Variants in SNX13 observed in about 807,000 individuals in gnomAD.
The protein encoded by SNX13 is sorting nexin-13.
A neutral mutation model predicts 133.6 loss-of-function variants in SNX13; 45 were observed. That is an observed-to-expected ratio of 0.34 (90% CI 0.27 to 0.43). The LOEUF is 0.43. SNX13 is among the 20% of genes least tolerant of loss of function. The pLI is 1.00. For synonymous variants in SNX13, 414 were observed against 373.9 expected (o/e 1.11, Z -1.24); for missense variants, 1,032 against 1,145.1 (o/e 0.90, Z 1.43).
At chr7:17,823,499 C>G (rs1787537637) in intron 17 of SNX13, among the ~76,000 whole-genome samples, 1 of 152,166 alleles carries the variant, frequency 6.6e-6, no homozygotes, top group Admixed American at 6.5e-5. Context: ...TGGACAGAAG[C>G]TCTTCCCAAA....
At chr7:17,805,540 A>C (rs139194351) in intron 20 of SNX13, among the ~76,000 whole-genome samples, 499 of 152,342 alleles carry the variant, frequency 3.3e-3, no homozygotes, top group African/African-American at 0.011. Flanking sequence ...ATAGCATTTC[A>C]GAAGCATAAA....
At chr7:17,927,744 T>C (rs1015342946) in intron 1 of SNX13, among the ~76,000 whole-genome samples, 2 of 152,150 alleles carry the variant, frequency 1.3e-5, no homozygotes, top group African/African-American at 4.8e-5. Context: ...TGATAGTACT[T>C]AAAATCCTCA....
At chr7:17,868,178 G>GT (rs1299079908) in intron 9 of SNX13, 2 of 448,226 alleles carry the variant, frequency 4.5e-6, no homozygotes, top group Non-Finnish European at 7.9e-6. Flanking sequence ...AGAAATAGTA[G>GT]TAGCACCATA....
intron 1 of SNX13, among the ~76,000 whole-genome samples, chr7:17,910,316 A>G (rs908085842): frequency 1.3e-5 from 2 of 152,250 alleles, no homozygotes; most frequent in Admixed American, 6.5e-5. Context: ...ACCACTGGAA[A>G]AATAACAGAT....
chr7:17,927,750 C>T (rs1262730263), intron 1 of SNX13, among the ~76,000 whole-genome samples: 1 of 152,148 alleles, frequency 6.6e-6, no homozygotes, highest in Non-Finnish European at 1.5e-5. Context: ...TACTTAAAAT[C>T]CTCAAGCATC....
intron 23 of SNX13, 78 bp downstream of exon 23, chr7:17,798,931 T>A: frequency 2.0e-6 from 3 of 1,506,710 alleles, no homozygotes; most frequent in Non-Finnish European, 8.9e-7. Context: ...CCTACAAAGG[T>A]TGAGCAATCT....
intron 1 of SNX13, among the ~76,000 whole-genome samples, chr7:17,916,476 T>C (rs778513558): frequency 3.2e-4 from 49 of 152,014 alleles, no homozygotes; most frequent in South Asian, 1.2e-3. Flanking sequence ...AAAGGTGACA[T>C]TACAAGCAAC....
At chr7:17,824,774 C>T (rs1562707183) in intron 17 of SNX13, among the ~76,000 whole-genome samples, 1 of 146,884 alleles carries the variant, frequency 6.8e-6, no homozygotes, top group South Asian at 2.2e-4. Context: ...GAAGAAATAA[C>T]TTTTTTTTTT....
At chr7:17,902,371 T>C (rs1797932486) in intron 1 of SNX13, among the ~76,000 whole-genome samples, 1 of 152,088 alleles carries the variant, frequency 6.6e-6, no homozygotes, top group South Asian at 2.1e-4. Flanking sequence ...GCTAATTTGC[T>C]TGGTAGTTAA....
chr7:17,853,225 T>C (rs972063152), intron 9 of SNX13, among the ~76,000 whole-genome samples: 33 of 152,172 alleles, frequency 2.2e-4, no homozygotes, highest in African/African-American at 7.7e-4. Context: ...AGCAGTTATG[T>C]TGGATTTAAC....
intron 20 of SNX13, among the ~76,000 whole-genome samples, chr7:17,814,352 T>C (rs928023975): frequency 3.3e-5 from 5 of 152,144 alleles, no homozygotes; most frequent in African/African-American, 1.2e-4. Context: ...TCCTACCTAA[T>C]TTAAGCACTT....
intron 5 of SNX13, among the ~76,000 whole-genome samples, chr7:17,885,761 G>A (rs1583623286): frequency 6.6e-6 from 1 of 152,212 alleles, no homozygotes; most frequent in South Asian, 2.1e-4. Context: ...CTGTGAGGCG[G>A]AAACTGCAGT....
chr7:17,796,783 G>A, intron 25 of SNX13, 44 bp downstream of exon 25: 1 of 1,415,558 alleles, frequency 7.1e-7, no homozygotes, highest in Admixed American at 1.7e-5. Flanking sequence ...AAACTCAGAA[G>A]AATGACAAAT....
Position 17,850,959 on chromosome 7 carries a change from A to C in SNX13, c.843T>G (p.Arg281=). 1 of 1,601,060 alleles carries C rather than the reference A, an allele frequency of 6.2e-7. No individual in the cohort carries two copies. Among genetic ancestry groups the C allele is most frequent in the Middle Eastern group, 1.7e-4 (1 of 6,030 alleles). ...YINQYVIWMI[R]DSNCNYEAFM... Reference sequence around the variant, plus strand: ...AGGCCTCATAGTTGCAGTTAGAATCACGGATCTGAAAACAAGTTTAAGAAA... The same window carrying C: ...AGGCCTCATAGTTGCAGTTAGAATCCCGGATCTGAAAACAAGTTTAAGAAA... The change falls in exon 10 of 26, where the codon CGT becomes CGG. Residue 281 remains arginine (R), a synonymous_variant. Coordinates refer to ENST00000428135, the MANE Select transcript of SNX13 (RefSeq NM_015132.5).
At chr7:17,862,375 G>T (rs1583525228) in intron 9 of SNX13, among the ~76,000 whole-genome samples, 1 of 152,040 alleles carries the variant, frequency 6.6e-6, no homozygotes, top group African/African-American at 2.4e-5. Context: ...AATTTTGCAT[G>T]TAAGTTTCTA....
At chr7:17,901,848 A>G (rs1460120988) in intron 1 of SNX13, among the ~76,000 whole-genome samples, 1 of 152,186 alleles carries the variant, frequency 6.6e-6, no homozygotes, top group Non-Finnish European at 1.5e-5. Context: ...GTTCCTGTGG[A>G]GAGGACAATC....
At chr7:17,869,947 GA>G (rs1793876163) in intron 8 of SNX13, among the ~76,000 whole-genome samples, 1 of 151,872 alleles carries the variant, frequency 6.6e-6, no homozygotes, top group Non-Finnish European at 1.5e-5. Context: ...AACACCTGGG[GA>G]AAATTTTTGA....
At chr7:17,849,640 T>A (rs1790970390) in intron 11 of SNX13, among the ~76,000 whole-genome samples, 1 of 152,220 alleles carries the variant, frequency 6.6e-6, no homozygotes, top group African/African-American at 2.4e-5. Context: ...GGTTCTTCTA[T>A]GACTTCATTC....
At chr7:17,857,865 A>G (rs1481628231) in intron 9 of SNX13, among the ~76,000 whole-genome samples, 1 of 152,232 alleles carries the variant, frequency 6.6e-6, no homozygotes. Flanking sequence ...GAAATGCAAG[A>G]ATGGTTCAAG....
Sources: gnomAD v4.1 joint callset for allele counts (sites outside exome capture counted in the v4.1 genomes callset) on GRCh38, gnomAD v4.1.1 for gene constraint, MANE v1.5 for transcripts, NCBI Gene and HGNC (gene_info 2026-07-23, HGNC 2026-07-21) for gene names.